The following LNX1 variants were observed in gnomAD, a reference collection of about 807,000 sequenced individuals.
LNX1 encodes the protein E3 ubiquitin-protein ligase LNX.
Under a neutral mutation model 68.4 loss-of-function variants are expected in LNX1, and 54 were observed. The ratio of observed to expected loss-of-function variants is 0.79; its 90% CI spans 0.63 to 0.99. LNX1 has a LOEUF of 0.99. Among genes scored for constraint, LNX1 ranks in the 50% least tolerant of loss-of-function variants. The pLI, the probability that LNX1 is intolerant of heterozygous loss-of-function variation, is 0.00. For synonymous variants in LNX1, 336 were observed against 350.0 expected, an observed-to-expected ratio of 0.96 and a Z score of 0.45; for missense variants, 906 against 926.4, an observed-to-expected ratio of 0.98 and a Z score of 0.29.
upstream of LNX1, among the ~76,000 whole-genome samples, chr4:53,619,689 A>G (rs115938011): frequency 3.4e-3 from 525 of 152,322 alleles, 5 homozygotes; most frequent in African/African-American, 0.012. Flanking sequence ...GAAAGTTTTC[A>G]CAAGAACCAA....
At chr4:53,645,040 C>T (rs1734833311) in intron 1 of LNX1, among the ~76,000 whole-genome samples, 1 of 152,108 alleles carries the variant, frequency 6.6e-6, no homozygotes, top group Non-Finnish European at 1.5e-5. Context: ...TCCAGACAGC[C>T]AAAAGATGAT....
chr4:53,574,784 T>A (rs1180534694), intron 1 of LNX1, among the ~76,000 whole-genome samples: 1 of 152,202 alleles, frequency 6.6e-6, no homozygotes, highest in Non-Finnish European at 1.5e-5. Flanking sequence ...CTTGTGAGGA[T>A]GAAATGAGAT....
At chr4:53,651,723 A>G (rs1022492805) in intron 1 of LNX1, among the ~76,000 whole-genome samples, 1 of 152,196 alleles carries the variant, frequency 6.6e-6, no homozygotes, top group African/African-American at 2.4e-5. Context: ...TAAAACTGCA[A>G]TGCAACACCT....
At chr4:53,496,502 C>G in intron 5 of LNX1, 108 bp from the exon 6 acceptor site, 1 of 1,327,630 alleles carries the variant, frequency 7.5e-7, no homozygotes, top group Non-Finnish European at 1.0e-6. Context: ...GACTGCTCTG[C>G]TCTCCCACCT....
intron 1 of LNX1, among the ~76,000 whole-genome samples, chr4:53,633,516 T>C (rs1236459319): frequency 6.6e-6 from 1 of 152,184 alleles, no homozygotes; most frequent in South Asian, 2.1e-4. Context: ...TTCCGTGGGC[T>C]ATGGCCAGGG....
intron 9 of LNX1, among the ~76,000 whole-genome samples, chr4:53,464,160 A>G (rs1722457720): frequency 6.6e-6 from 1 of 152,132 alleles, no homozygotes; most frequent in Non-Finnish European, 1.5e-5. Context: ...CTTTCACAAA[A>G]TGTTGCTTTA....
chr4:53,540,014 C>T (rs190530698), intron 2 of LNX1, among the ~76,000 whole-genome samples: 15 of 152,250 alleles, frequency 9.9e-5, no homozygotes, highest in East Asian at 9.6e-4. Context: ...TGTTTTTGCT[C>T]GGGCTACTAA....
At chr4:53,626,158 T>C (rs975065537) in intron 1 of LNX1, among the ~76,000 whole-genome samples, 15 of 152,188 alleles carry the variant, frequency 9.9e-5, no homozygotes, top group African/African-American at 3.4e-4. Flanking sequence ...TGTCACATGA[T>C]TCCATTTAAA....
At chr4:53,588,768 T>C (rs983038314) in intron 1 of LNX1, among the ~76,000 whole-genome samples, 15 of 152,128 alleles carry the variant, frequency 9.9e-5, no homozygotes, top group African/African-American at 3.1e-4. Context: ...AGTAGAACAG[T>C]AGAACCCACT....
chr4:53,596,336 G>A (rs1732752067), upstream of LNX1, among the ~76,000 whole-genome samples: 1 of 152,160 alleles, frequency 6.6e-6, no homozygotes, highest in Non-Finnish European at 1.5e-5. Context: ...TCTGGTTTGT[G>A]TGCTTTTGGG....
At chr4:53,650,668 C>G (rs1244166310) in intron 1 of LNX1, among the ~76,000 whole-genome samples, 1 of 152,100 alleles carries the variant, frequency 6.6e-6, no homozygotes, top group East Asian at 1.9e-4. Context: ...TACTACCGCC[C>G]TACATATAGG....
chr4:53,602,035 A>C (rs1222835861), intron 2 of LNX1, among the ~76,000 whole-genome samples: 2 of 152,188 alleles, frequency 1.3e-5, no homozygotes, highest in Admixed American at 1.3e-4. Flanking sequence ...ATGAAATTTC[A>C]TAAAACATCA....
intron 1 of LNX1, among the ~76,000 whole-genome samples, chr4:53,646,588 G>T (rs1474671901): frequency 6.6e-6 from 1 of 152,128 alleles, no homozygotes; most frequent in Non-Finnish European, 1.5e-5. Context: ...GACCAACATG[G>T]CCAGAGTTTC....
At chr4:53,606,472 A>G (rs1319987148) in intron 2 of LNX1, among the ~76,000 whole-genome samples, 2 of 81,336 alleles carry the variant, frequency 2.5e-5, no homozygotes, top group Admixed American at 3.2e-4. Flanking sequence ...ACAAACAAAC[A>G]AACAAAAAAC....
intron 2 of LNX1, among the ~76,000 whole-genome samples, chr4:53,558,987 G>A (rs942737745): frequency 2.0e-5 from 3 of 152,110 alleles, no homozygotes; most frequent in African/African-American, 7.2e-5. Context: ...GAAGCCCCCA[G>A]GACTCTCGCT....
At chr4:53,513,301 C>T (rs1375883726) in intron 2 of LNX1, among the ~76,000 whole-genome samples, 1 of 152,012 alleles carries the variant, frequency 6.6e-6, no homozygotes, top group African/African-American at 2.4e-5. Context: ...TTTAAGCCTC[C>T]CACTTGTCCT....
At chr4:53,556,925 C>T (rs1729953026) in intron 2 of LNX1, among the ~76,000 whole-genome samples, 1 of 152,198 alleles carries the variant, frequency 6.6e-6, no homozygotes, top group South Asian at 2.1e-4. Flanking sequence ...TTTTCATTTG[C>T]CCACTGACTG....
intron 1 of LNX1, among the ~76,000 whole-genome samples, chr4:53,629,278 C>G (rs143905652): frequency 2.6e-5 from 4 of 152,142 alleles, no homozygotes; most frequent in Non-Finnish European, 5.9e-5. Flanking sequence ...TCTCCAGCCA[C>G]CCCTGGGTGC....
chr4:53,479,113 T>G (rs1723753118), intron 7 of LNX1, among the ~76,000 whole-genome samples: 1 of 152,240 alleles, frequency 6.6e-6, no homozygotes, highest in South Asian at 2.1e-4. Flanking sequence ...TTGCTCAGGC[T>G]GGTCTGGAAC....
Sources: gnomAD v4.1 joint callset for allele counts (sites outside exome capture counted in the v4.1 genomes callset) on GRCh38, gnomAD v4.1.1 for gene constraint, MANE v1.5 for transcripts, NCBI Gene and HGNC (gene_info 2026-07-23, HGNC 2026-07-21) for gene names.